Variants in KCNH5 observed in about 807,000 individuals in gnomAD.
The protein encoded by KCNH5 is potassium voltage-gated channel subfamily H member 5.
In KCNH5, 46 loss-of-function variants were observed where a neutral mutation model predicts 96.1. The ratio of observed to expected loss-of-function variants is 0.48; its 90% CI spans 0.38 to 0.61. The LOEUF is 0.61. Among genes scored for constraint, KCNH5 ranks in the 20% least tolerant of loss-of-function variants. KCNH5 has a pLI of 0.00. For synonymous variants in KCNH5, 439 were observed against 449.8 expected (o/e 0.98, Z 0.30); for missense variants, 907 against 1,225.8 (o/e 0.74, Z 3.88).
chr14:62,936,717 C>T (rs368998601), intron 7 of KCNH5, among the ~76,000 whole-genome samples: 78 of 150,104 alleles, frequency 5.2e-4, no homozygotes, highest in African/African-American at 1.8e-3. Context: ...GTGGCTCACA[C>T]CTGTAATCCT....
chr14:62,801,750 T>C (rs1319714819), intron 9 of KCNH5, among the ~76,000 whole-genome samples: 1 of 152,140 alleles, frequency 6.6e-6, no homozygotes. Context: ...CTAAATTTAA[T>C]TTACTTATAC....
At chr14:62,879,599 C>T (rs923615441) in intron 7 of KCNH5, among the ~76,000 whole-genome samples, 4 of 152,084 alleles carry the variant, frequency 2.6e-5, no homozygotes, top group African/African-American at 9.7e-5. Context: ...TCCTGAAGGA[C>T]CTTCCCGAAT....
chr14:62,717,000 C>T (rs1234539300), intron 10 of KCNH5, among the ~76,000 whole-genome samples: 2 of 152,012 alleles, frequency 1.3e-5, no homozygotes, highest in African/African-American at 4.8e-5. Context: ...ATGCACTAGC[C>T]ATGAACCATC....
At chr14:63,003,760 CA>C (rs5809182) in intron 3 of KCNH5, among the ~76,000 whole-genome samples, 29,530 of 148,674 alleles carry the variant, frequency 0.2, 3,475 homozygotes, top group East Asian at 0.37. Context: ...GCTGGGACTA[CA>C]AGGCGCCTGC....
chr14:62,966,668 A>T (rs1890310838), intron 6 of KCNH5, among the ~76,000 whole-genome samples: 1 of 152,146 alleles, frequency 6.6e-6, no homozygotes, highest in Non-Finnish European at 1.5e-5. Context: ...TTTTTTTATT[A>T]CACGAACTTT....
chr14:62,891,278 T>C (rs1022873432), intron 7 of KCNH5, among the ~76,000 whole-genome samples: 1 of 152,190 alleles, frequency 6.6e-6, no homozygotes, highest in Non-Finnish European at 1.5e-5. Flanking sequence ...AGCTAGAGGC[T>C]ATTATCCTCA....
intron 4 of KCNH5, among the ~76,000 whole-genome samples, chr14:62,989,263 G>T (rs1469659164): frequency 6.6e-6 from 1 of 151,912 alleles, no homozygotes; most frequent in Non-Finnish European, 1.5e-5. Context: ...GGATAACACT[G>T]TATATCCTTG....
At chr14:62,799,266 C>A (rs1307785025) in intron 9 of KCNH5, among the ~76,000 whole-genome samples, 3 of 151,944 alleles carry the variant, frequency 2.0e-5, no homozygotes, top group African/African-American at 7.3e-5. Context: ...AGTACCAGGG[C>A]AAATCAAAAG....
intron 10 of KCNH5, among the ~76,000 whole-genome samples, chr14:62,740,692 G>A (rs1320839697): frequency 1.3e-5 from 2 of 152,016 alleles, no homozygotes; most frequent in African/African-American, 4.8e-5. Flanking sequence ...ACACATAAAA[G>A]ATATTTAACA....
chr14:62,855,026 A>G (rs1353689568), intron 7 of KCNH5, among the ~76,000 whole-genome samples: 2 of 151,704 alleles, frequency 1.3e-5, no homozygotes, highest in Non-Finnish European at 2.9e-5. Context: ...GTCTAGGCCC[A>G]GAGGCCTTAC....
intron 10 of KCNH5, among the ~76,000 whole-genome samples, chr14:62,713,353 TG>T (rs1884614065): frequency 6.6e-6 from 1 of 152,206 alleles, no homozygotes; most frequent in Non-Finnish European, 1.5e-5. Flanking sequence ...ATTTGCCTTC[TG>T]GCATTCCTAG....
intron 9 of KCNH5, among the ~76,000 whole-genome samples, chr14:62,801,764 G>A (rs1386481633): frequency 6.6e-6 from 1 of 151,920 alleles, no homozygotes; most frequent in East Asian, 1.9e-4. Context: ...CTTATACTGC[G>A]ATCACTCTGC....
At chr14:62,773,620 A>G (rs1566656078) in intron 10 of KCNH5, among the ~76,000 whole-genome samples, 2 of 152,262 alleles carry the variant, frequency 1.3e-5, no homozygotes, top group African/African-American at 4.8e-5. Context: ...AGACGTATAG[A>G]AACAGCAAAT....
At chr14:62,952,499 C>T (rs573824854) in intron 6 of KCNH5, among the ~76,000 whole-genome samples, 15 of 152,110 alleles carry the variant, frequency 9.9e-5, no homozygotes, top group African/African-American at 3.1e-4. Context: ...TCTAAAGAAA[C>T]GCATAATCGA....
At chr14:62,720,897 A>T (rs1187010688) in intron 10 of KCNH5, among the ~76,000 whole-genome samples, 1 of 152,178 alleles carries the variant, frequency 6.6e-6, no homozygotes, top group Non-Finnish European at 1.5e-5. Flanking sequence ...CACACTGTAT[A>T]CCTATATACA....
intron 1 of KCNH5, among the ~76,000 whole-genome samples, chr14:63,025,656 A>G (rs1891510909): frequency 6.6e-6 from 1 of 151,588 alleles, no homozygotes; most frequent in Non-Finnish European, 1.5e-5. Context: ...AAATTTAACC[A>G]AGAAGGTGAA....
At chr14:62,793,573 A>C (rs1886478775) in intron 9 of KCNH5, among the ~76,000 whole-genome samples, 1 of 151,832 alleles carries the variant, frequency 6.6e-6, no homozygotes, top group African/African-American at 2.4e-5. Flanking sequence ...TTCAAAGCAC[A>C]GGTTTTCTTT....
At chr14:62,930,358 T>A (rs1595688981) in intron 7 of KCNH5, among the ~76,000 whole-genome samples, 1 of 152,074 alleles carries the variant, frequency 6.6e-6, no homozygotes, top group East Asian at 1.9e-4. Context: ...AACAGAAAAA[T>A]TCCACGTACC....
chr14:62,920,448 T>C (rs1288461164), intron 7 of KCNH5, among the ~76,000 whole-genome samples: 1 of 152,066 alleles, frequency 6.6e-6, no homozygotes, highest in Non-Finnish European at 1.5e-5. Flanking sequence ...TTCCAATGTG[T>C]CAACTGTGCT....
Sources: allele counts gnomAD v4.1 joint callset (sites outside exome capture counted in the v4.1 genomes callset), GRCh38; gene constraint gnomAD v4.1.1; transcripts MANE v1.5; gene names NCBI Gene and HGNC (gene_info 2026-07-23, HGNC 2026-07-21).